PDE8B: variants seen among roughly 807,000 people sequenced by gnomAD.
PDE8B encodes high affinity cAMP-specific and IBMX-insensitive 3',5'-cyclic phosphodiesterase 8B.
A neutral mutation model predicts 101.3 loss-of-function variants in PDE8B; 26 were observed. The ratio of observed to expected loss-of-function variants is 0.26; its 90% CI spans 0.19 to 0.36. PDE8B has a LOEUF of 0.36. Ranked by LOEUF, PDE8B falls within the 10% of genes least tolerant of loss-of-function variation. The pLI is 1.00. For synonymous variants in PDE8B, 424 were observed against 429.3 expected (o/e 0.99, Z 0.15); for missense variants, 810 against 1,163.1 (o/e 0.70, Z 4.42).
At chr5:77,173,309 T>G in the PDE8B span, among the ~76,000 whole-genome samples, 2 of 152,212 alleles carry the variant, frequency 1.3e-5, no homozygotes, top group African/African-American at 4.8e-5. Context: ...GTGTGCTTGT[T>G]TGGCTTTTTT....
At chr5:77,217,498 A>T (rs572606237) in intron 1 of PDE8B, among the ~76,000 whole-genome samples, 1 of 152,292 alleles carries the variant, frequency 6.6e-6, no homozygotes, top group South Asian at 2.1e-4. Flanking sequence ...CCTTTACCCT[A>T]CAGTGGAAGT....
the PDE8B span, among the ~76,000 whole-genome samples, chr5:77,094,397 C>T: frequency 1.3e-5 from 2 of 152,026 alleles, no homozygotes; most frequent in African/African-American, 4.8e-5. Context: ...ACAGCCTCGA[C>T]CTCCTGGGTT....
At chr5:77,134,335 T>G in the PDE8B span, 1 of 152,264 alleles carries the variant, frequency 6.6e-6, no homozygotes, top group Non-Finnish European at 1.5e-5. Context: ...AACCAAGAAG[T>G]GGAAGCAGGA....
chr5:77,227,966 T>A (rs781367669), intron 1 of PDE8B, among the ~76,000 whole-genome samples: 19 of 152,284 alleles, frequency 1.2e-4, no homozygotes, highest in Admixed American at 3.9e-4. Flanking sequence ...CCCACATTTA[T>A]TATTAGTTGC....
the PDE8B span, among the ~76,000 whole-genome samples, chr5:77,169,979 G>A: frequency 6.6e-6 from 1 of 152,092 alleles, no homozygotes; most frequent in East Asian, 1.9e-4. Context: ...TTAGCTATAC[G>A]AAGACATGTT....
intron 1 of PDE8B, among the ~76,000 whole-genome samples, chr5:77,238,229 A>G (rs113875672): frequency 6.6e-5 from 10 of 151,956 alleles, no homozygotes; most frequent in African/African-American, 2.2e-4. Context: ...ACCTTTTGTT[A>G]TTGTTCAGGT....
chr5:77,187,975 T>C, the PDE8B span, among the ~76,000 whole-genome samples: 1 of 152,178 alleles, frequency 6.6e-6, no homozygotes, highest in African/African-American at 2.4e-5. Flanking sequence ...CTCTTTATCA[T>C]TGTATACATG....
In PDE8B at chr5:77,240,220, C is replaced by T. The variant is rs572027216; in HGVS notation, c.339+28956C>T. On this transcript the variant is annotated intron_variant, in intron 1 of 21. Transcript: ENST00000264917. ...CCAGGCTGGAGTGCGGTGGCGCGAT[C>T]CCGGCTCACTGCAAGCTCCGCCTCC... is the stretch of plus-strand genomic sequence containing the variant. 5.2e-4 allele frequency among the ~76,000 whole-genome samples: 79 copies of T among 152,200 alleles called. 4 individuals carry two copies. In the South Asian group the frequency reaches 0.016, roughly 30 times the overall value.
chr5:77,183,159 G>A, the PDE8B span, among the ~76,000 whole-genome samples: 1 of 151,318 alleles, frequency 6.6e-6, no homozygotes, highest in East Asian at 1.9e-4. Flanking sequence ...TTGCTCTGTT[G>A]TCCAGGCTGT....
chr5:77,119,108 T>G, the PDE8B span: 1 of 152,088 alleles, frequency 6.6e-6, no homozygotes, highest in Non-Finnish European at 1.5e-5. Flanking sequence ...AGAATTCAAA[T>G]GAAAACCACC....
rs181776216 is a variant in PDE8B at position 77,260,976 on chromosome 5, C to G, written c.339+49712C>G. Among the ~76,000 whole-genome samples the G allele has an allele frequency of 7.9e-5, 12 of 152,210 alleles. No homozygotes were observed. In the East Asian group the frequency reaches 1.9e-3, roughly 24 times the overall value. ...AAAATATAGAATTATGATGACTGTT[C>G]TAATACCGGCTGAAGATGGAAGAAC... On this transcript the variant is annotated intron_variant, in intron 1 of 21. Coordinates refer to ENST00000264917, the MANE Select transcript of PDE8B (RefSeq NM_003719.5).
At chr5:77,247,082 A>G (rs1757100193) in intron 1 of PDE8B, among the ~76,000 whole-genome samples, 1 of 152,220 alleles carries the variant, frequency 6.6e-6, no homozygotes, top group African/African-American at 2.4e-5. Context: ...ATTAAGGTTC[A>G]TTGTTGTGCT....
chr5:77,247,898 T>C (rs1019841944), intron 1 of PDE8B, among the ~76,000 whole-genome samples: 1 of 152,118 alleles, frequency 6.6e-6, no homozygotes. Flanking sequence ...CCATGTGTAG[T>C]AGGTATTCAG....
chr5:77,351,497 G>A (rs1781114776), intron 9 of PDE8B, among the ~76,000 whole-genome samples: 1 of 152,090 alleles, frequency 6.6e-6, no homozygotes, highest in Non-Finnish European at 1.5e-5. Flanking sequence ...TCAGTGCATA[G>A]GGAGCCAACC....
intron 4 of PDE8B, 130 bp from the exon 5 acceptor site, chr5:77,331,271 TG>T: frequency 1.2e-6 from 1 of 801,416 alleles, no homozygotes. Context: ...GTGTGCCCCG[TG>T]GGCACGTGCT....
chr5:77,398,229 T>C (rs1299522636), intron 10 of PDE8B, among the ~76,000 whole-genome samples: 1 of 151,610 alleles, frequency 6.6e-6, no homozygotes, highest in Middle Eastern at 3.2e-3. Context: ...AGCCCAAATT[T>C]CAGTTTTAAC....
chr5:77,088,903 A>G, the PDE8B span: 5 of 152,230 alleles, frequency 3.3e-5, no homozygotes, highest in African/African-American at 1.2e-4. Flanking sequence ...TATTCTACCC[A>G]GTAGTTCCCT....
chr5:77,110,187 A>T, the PDE8B span, among the ~76,000 whole-genome samples: 1 of 151,918 alleles, frequency 6.6e-6, no homozygotes, highest in African/African-American at 2.4e-5. Flanking sequence ...ACCTCAAGTA[A>T]TCTGCCTCCC....
At chr5:77,173,812 CTG>C in the PDE8B span, among the ~76,000 whole-genome samples, 1 of 151,570 alleles carries the variant, frequency 6.6e-6, no homozygotes, top group Non-Finnish European at 1.5e-5. Context: ...GTATGTGTGT[CTG>C]GGGCGGGGGT....
Sources: gnomAD v4.1 joint callset for allele counts (sites outside exome capture counted in the v4.1 genomes callset) on GRCh38, gnomAD v4.1.1 for gene constraint, MANE v1.5 for transcripts, NCBI Gene and HGNC (gene_info 2026-07-23, HGNC 2026-07-21) for gene names.